Variants in VPS13B observed in about 807,000 individuals in gnomAD.
VPS13B encodes the protein vacuolar protein sorting 13 homolog B.
VPS13B carries 285 observed loss-of-function variants against 426.4 expected under a neutral mutation model. The ratio of observed to expected loss-of-function variants is 0.67; its 90% CI spans 0.61 to 0.74. VPS13B has a LOEUF of 0.74. VPS13B is among the 30% of genes least tolerant of loss of function. VPS13B has a pLI of 0.00. For synonymous variants in VPS13B, 1,676 were observed against 1,676.4 expected (o/e 1.00, Z 0.01); for missense variants, 4,537 against 4,782.6 (o/e 0.95, Z 1.51).
chr8:99,870,843 T>G lies in VPS13B; in HGVS notation c.11451T>G (p.Asp3817Glu), dbSNP rs917633322. 2 of 1,614,106 alleles carry G rather than the reference T, an allele frequency of 1.2e-6. No individual in the cohort carries two copies. The highest frequency in any genetic ancestry group is 1.7e-6 in the Non-Finnish European group (2 of 1,180,030). Residue 3817 changes from aspartate to glutamate, a missense_variant, in exon 60 of 62, where the codon GAT (aspartate) becomes GAG (glutamate). Transcript: ENST00000357162. ...QLPKQRHQPS[D>E]LHADQAPNSH... ...CCAAACAGCGCCATCAGCCAAGTGA[T>G]CTACATGCTGACCAGGCTCCAAACA... is the stretch of plus-strand genomic sequence containing the variant.
At chr8:99,385,511 G>A (rs1414481317) in intron 20 of VPS13B, among the ~76,000 whole-genome samples, 2 of 152,124 alleles carry the variant, frequency 1.3e-5, no homozygotes, top group Admixed American at 6.5e-5. Flanking sequence ...TGAAACTTCT[G>A]CCATACCTGT....
At chr8:99,717,858 T>G (rs907901263) in intron 37 of VPS13B, among the ~76,000 whole-genome samples, 1 of 152,248 alleles carries the variant, frequency 6.6e-6, no homozygotes, top group Non-Finnish European at 1.5e-5. Flanking sequence ...GTCAATATTT[T>G]ATTCCTTTTT....
chr8:99,373,005 T>C (rs1407223440), intron 19 of VPS13B, among the ~76,000 whole-genome samples: 1 of 152,222 alleles, frequency 6.6e-6, no homozygotes, highest in Non-Finnish European at 1.5e-5. Context: ...TGAGTTCATG[T>C]CCTTTGCAGG....
At chr8:99,291,078 A>T (rs923210279) in intron 19 of VPS13B, among the ~76,000 whole-genome samples, 31 of 152,108 alleles carry the variant, frequency 2.0e-4, no homozygotes, top group African/African-American at 7.5e-4. Context: ...CCATGAGAAA[A>T]GTTAGGAATA....
chr8:99,248,161 G>A (rs1044483440), intron 17 of VPS13B, among the ~76,000 whole-genome samples: 11 of 152,116 alleles, frequency 7.2e-5, no homozygotes, highest in Non-Finnish European at 1.2e-4. Context: ...ATGATTCAGG[G>A]ATTGATGTTT....
intron 23 of VPS13B, among the ~76,000 whole-genome samples, chr8:99,459,846 A>T (rs1283048838): frequency 6.6e-6 from 1 of 152,008 alleles, no homozygotes; most frequent in Non-Finnish European, 1.5e-5. Flanking sequence ...GACCCTGTTT[A>T]TTATTATGCA....
intron 39 of VPS13B, among the ~76,000 whole-genome samples, chr8:99,761,658 C>T (rs1256135586): frequency 6.6e-6 from 1 of 152,184 alleles, no homozygotes; most frequent in African/African-American, 2.4e-5. Context: ...TTTCTGTATA[C>T]CCTCTCCACC....
chr8:99,028,264 G>C (rs1431230991), intron 2 of VPS13B, among the ~76,000 whole-genome samples: 1 of 151,522 alleles, frequency 6.6e-6, no homozygotes, highest in African/African-American at 2.4e-5. Context: ...GGGCAGAGGG[G>C]CTCCTCACTT....
At chr8:99,277,989 A>G (rs1818982959) in intron 19 of VPS13B, among the ~76,000 whole-genome samples, 1 of 152,228 alleles carries the variant, frequency 6.6e-6, no homozygotes, top group Non-Finnish European at 1.5e-5. Flanking sequence ...TTAAGGGAAG[A>G]AAAAGATGTT....
Position 99,422,296 on chromosome 8 carries a change from A to G in VPS13B, c.3083-9241A>G, listed in dbSNP as rs1466347325. On this transcript the variant is annotated intron_variant, in intron 21 of 61. Coordinates refer to ENST00000357162, the MANE Select transcript of VPS13B (RefSeq NM_152564.5). ...GATTTCAAAGTCTCTAAATTTTTTCATTAGATCATTATATCAGAGAACATA... is the reference window on the plus strand; with the variant it reads ...GATTTCAAAGTCTCTAAATTTTTTCGTTAGATCATTATATCAGAGAACATA... Among the ~76,000 whole-genome samples, 15 of 152,294 alleles carry G rather than the reference A, an allele frequency of 9.8e-5. No homozygotes were observed. The East Asian group carries it at 1.5e-3, about 16-fold the overall frequency.
intron 21 of VPS13B, among the ~76,000 whole-genome samples, chr8:99,402,617 T>G (rs1272716996): frequency 6.6e-6 from 1 of 151,888 alleles, no homozygotes; most frequent in Non-Finnish European, 1.5e-5. Context: ...GCTGAGATAG[T>G]GAAAGAAGTC....
intron 19 of VPS13B, among the ~76,000 whole-genome samples, chr8:99,373,928 T>A (rs574837932): frequency 2.9e-4 from 44 of 152,326 alleles, no homozygotes; most frequent in African/African-American, 1.0e-3. Flanking sequence ...AGTTTATATC[T>A]AGTATAATTT....
intron 33 of VPS13B, among the ~76,000 whole-genome samples, chr8:99,626,472 C>A (rs1828617277): frequency 6.6e-6 from 1 of 152,116 alleles, no homozygotes; most frequent in African/African-American, 2.4e-5. Flanking sequence ...GAAGTGCCTG[C>A]TAATGGGTAT....
chr8:99,556,450 G>A lies in VPS13B; in HGVS notation c.4746G>A (p.Gln1582=). 6.2e-7 allele frequency: 1 copy of A among 1,612,312 alleles called. No individual in the cohort carries two copies. Among genetic ancestry groups the A allele is most frequent in the Middle Eastern group, 1.7e-4 (1 of 6,046 alleles). Residue 1582 remains glutamine, a splice_region_variant and synonymous_variant, in exon 31 of 62, where the codon CAG becomes CAA. Coordinates refer to ENST00000357162, the MANE Select transcript of VPS13B (RefSeq NM_152564.5). ...GRSVLRKDIY[Q]RALNLGILRD... ...TTTGTTTTTTTCGCTGCCTTTACAGGAGAGCCTTGAACTTAGGAATTCTTC... is the reference window on the plus strand; with the variant it reads ...TTTGTTTTTTTCGCTGCCTTTACAGAAGAGCCTTGAACTTAGGAATTCTTC...
chr8:99,264,951 A>AT (rs1413115389), intron 17 of VPS13B, among the ~76,000 whole-genome samples: 1 of 150,360 alleles, frequency 6.7e-6, no homozygotes, highest in African/African-American at 2.4e-5. Flanking sequence ...TTTATGGGAG[A>AT]TTTTCTCAAC....
intron 3 of VPS13B, among the ~76,000 whole-genome samples, chr8:99,052,804 C>G (rs1016496836): frequency 5.3e-5 from 8 of 152,160 alleles, no homozygotes; most frequent in African/African-American, 1.9e-4. Context: ...TCTAGATTTT[C>G]TAGTTTATTT....
At chr8:99,638,646 A>T (rs1458718573) in intron 33 of VPS13B, among the ~76,000 whole-genome samples, 1 of 152,126 alleles carries the variant, frequency 6.6e-6, no homozygotes, top group Non-Finnish European at 1.5e-5. Context: ...CCTATGAGTT[A>T]GGTATTAATG....
chr8:99,213,345 T>A (rs892693440), intron 17 of VPS13B, among the ~76,000 whole-genome samples: 4 of 152,278 alleles, frequency 2.6e-5, no homozygotes, highest in African/African-American at 7.2e-5. Context: ...GTTTTAATAA[T>A]CAAATATAAC....
intron 16 of VPS13B, among the ~76,000 whole-genome samples, chr8:99,179,781 T>C (rs918295267): frequency 1.3e-5 from 2 of 152,200 alleles, no homozygotes; most frequent in Admixed American, 6.5e-5. Context: ...GTTGTAGACA[T>C]GAGTAAATAT....
Sources: allele counts gnomAD v4.1 joint callset (sites outside exome capture counted in the v4.1 genomes callset), GRCh38; gene constraint gnomAD v4.1.1; transcripts MANE v1.5; gene names NCBI Gene and HGNC (gene_info 2026-07-23, HGNC 2026-07-21).